Variants in LIMK2 observed in about 807,000 individuals in gnomAD.
LIMK2 encodes LIM domain kinase 2.
A neutral mutation model predicts 75.7 loss-of-function variants in LIMK2; 35 were observed. The ratio of observed to expected loss-of-function variants is 0.46; its 90% CI spans 0.35 to 0.61. The LOEUF (loss-of-function observed/expected upper bound fraction) is 0.61, where lower values mean the gene tolerates loss of function less well. LIMK2 is among the 20% of genes least tolerant of loss of function. The pLI is 0.00. For missense variants in LIMK2, 623 were observed against 831.0 expected (o/e 0.75, Z 3.08); for synonymous variants, 301 against 319.2 (o/e 0.94, Z 0.61).
chr22:31,276,681 G>C, intron 15 of LIMK2: 1 of 1,106,680 alleles, frequency 9.0e-7, no homozygotes, highest in Non-Finnish European at 1.1e-6. Flanking sequence ...CGTGGCCCCG[G>C]AGGCCGCCGT....
intron 2 of LIMK2, among the ~76,000 whole-genome samples, chr22:31,227,072 C>T (rs186820900): frequency 7.9e-5 from 12 of 152,358 alleles, no homozygotes; most frequent in East Asian, 7.7e-4. Flanking sequence ...GTATCCAGTA[C>T]ATGGTAGACA....
rs185356840 is a variant in LIMK2 at position 31,264,165 on chromosome 22, C to T, written c.854+1374C>T. ...ATGAAATTAGTGGGAGGCAGGGCAA[C>T]AGAGGGCAGGGAAGAGCTAGAAATC... On this transcript the variant is annotated intron_variant, in intron 7 of 15. Transcript: ENST00000331728. 2.5e-4 allele frequency among the ~76,000 whole-genome samples: 38 copies of T among 152,186 alleles called. No homozygotes were observed. The East Asian group carries it at 7.1e-3, about 29-fold the overall frequency.
At chr22:31,224,807 G>A (rs568575488) in intron 1 of LIMK2, among the ~76,000 whole-genome samples, 51 of 152,338 alleles carry the variant, frequency 3.3e-4, no homozygotes, top group African/African-American at 1.2e-3. Context: ...CAGAGATTAT[G>A]TAATCTAACA....
chr22:31,246,221 G>A (rs2048669235), intron 2 of LIMK2, among the ~76,000 whole-genome samples: 7 of 76,894 alleles, frequency 9.1e-5, no homozygotes. Flanking sequence ...ACACACGCTG[G>A]GTATGGTGGC....
At chr22:31,275,344 T>C (rs547785233) in intron 15 of LIMK2, 36 bp downstream of exon 15, 1 of 1,610,708 alleles carries the variant, frequency 6.2e-7, no homozygotes, top group Non-Finnish European at 8.5e-7. Flanking sequence ...GCTCACAGGG[T>C]CCTGGGACGT....
chr22:31,244,271 A>G (rs1379553781), intron 2 of LIMK2, among the ~76,000 whole-genome samples: 3 of 152,222 alleles, frequency 2.0e-5, no homozygotes, highest in Non-Finnish European at 4.4e-5. Flanking sequence ...TGTGGCTTGC[A>G]TATTCTTCCA....
chr22:31,256,405 A>T (rs1287419865), intron 2 of LIMK2, among the ~76,000 whole-genome samples: 3 of 150,808 alleles, frequency 2.0e-5, no homozygotes, highest in African/African-American at 4.9e-5. Flanking sequence ...CAGTGGCGTG[A>T]TCTCGACTCA....
At chr22:31,274,555 C>T (rs1165478367) in intron 14 of LIMK2, among the ~76,000 whole-genome samples, 1 of 152,054 alleles carries the variant, frequency 6.6e-6, no homozygotes, top group African/African-American at 2.4e-5. Context: ...TGTGCGCCAC[C>T]ACGCCTGGCT....
intron 11 of LIMK2, 112 bp from the exon 12 acceptor site, chr22:31,271,024 C>A: frequency 2.1e-6 from 2 of 934,658 alleles, no homozygotes; most frequent in Non-Finnish European, 3.5e-6. Context: ...AGGTTGGGTT[C>A]TGAAGCTGGG....
chr22:31,237,286 G>A (rs1047953735), intron 2 of LIMK2, among the ~76,000 whole-genome samples: 2 of 143,836 alleles, frequency 1.4e-5, no homozygotes, highest in African/African-American at 5.2e-5. Flanking sequence ...AATGGAGGTT[G>A]GGCGCGGTGG....
At chr22:31,260,366 GTTGT>G (rs2048826591) in intron 5 of LIMK2, among the ~76,000 whole-genome samples, 1 of 152,188 alleles carries the variant, frequency 6.6e-6, no homozygotes, top group Admixed American at 6.5e-5. Flanking sequence ...ATGTGTATTA[GTTGT>G]TTATCTTCTA....
intron 1 of LIMK2, among the ~76,000 whole-genome samples, chr22:31,215,459 A>G (rs1184952282): frequency 6.6e-6 from 1 of 152,186 alleles, no homozygotes; most frequent in Admixed American, 6.5e-5. Context: ...GTTTTGAGAT[A>G]ATGTATAGTC....
intron 2 of LIMK2, among the ~76,000 whole-genome samples, chr22:31,229,370 A>G (rs1346034378): frequency 5.9e-5 from 9 of 152,120 alleles, no homozygotes. Flanking sequence ...GTTGGAGGAA[A>G]ATCTTCAGGG....
At chr22:31,249,291 C>G (rs1363152343) in intron 2 of LIMK2, among the ~76,000 whole-genome samples, 3 of 152,202 alleles carry the variant, frequency 2.0e-5, no homozygotes, top group Admixed American at 1.3e-4. Flanking sequence ...TGCCTCTGGC[C>G]TTGAAGGGCT....
In LIMK2 at chr22:31,262,255, A is replaced by C; in HGVS notation, c.657+16A>C. On this transcript the variant is annotated intron_variant, in intron 6 of 15. Coordinates refer to ENST00000331728, the MANE Select transcript of LIMK2 (RefSeq NM_005569.4). This position sits in a 1 kb window ranked among gnomAD's most constrained non-coding sequence, Gnocchi z 5.0. ...AGTGGAGGAGGTAGAGTGTGTGTCTAATCTGTCTTGTGAGGGTGGGACATG... is the reference window on the plus strand; with the variant it reads ...AGTGGAGGAGGTAGAGTGTGTGTCTCATCTGTCTTGTGAGGGTGGGACATG... 1 of 1,576,996 alleles carries C rather than the reference A, an allele frequency of 6.3e-7. No homozygotes were observed. The highest frequency in any genetic ancestry group is 1.3e-5 in the African/African-American group (1 of 74,252).
chr22:31,273,947 C>T (rs2048985089), intron 14 of LIMK2, among the ~76,000 whole-genome samples: 2 of 151,916 alleles, frequency 1.3e-5, no homozygotes, highest in African/African-American at 4.8e-5. Flanking sequence ...ATCCGCCTGC[C>T]TCAGCCTCTA....
chr22:31,226,269 C>T (rs1313842701), intron 2 of LIMK2, among the ~76,000 whole-genome samples: 1 of 151,642 alleles, frequency 6.6e-6, no homozygotes, highest in South Asian at 2.1e-4. Flanking sequence ...GTGGTGCAAT[C>T]TCGGCTCACT....
chr22:31,231,814 C>T (rs188240762), intron 2 of LIMK2, among the ~76,000 whole-genome samples: 438 of 152,210 alleles, frequency 2.9e-3, no homozygotes, highest in African/African-American at 0.01. Context: ...CATAATAACC[C>T]TGCAACCCCC....
intron 2 of LIMK2, among the ~76,000 whole-genome samples, chr22:31,246,199 A>G (rs1476016916): frequency 6.7e-6 from 1 of 150,192 alleles, no homozygotes; most frequent in East Asian, 2.0e-4. Flanking sequence ...ACACACACAC[A>G]CACACACACA....
Sources: allele counts gnomAD v4.1 joint callset (sites outside exome capture counted in the v4.1 genomes callset), GRCh38; gene constraint gnomAD v4.1.1; non-coding constraint Gnocchi (gnomAD v3.1); transcripts MANE v1.5; gene names NCBI Gene and HGNC (gene_info 2026-07-23, HGNC 2026-07-21).